CFHR2: variants seen among roughly 807,000 people sequenced by gnomAD.
CFHR2 encodes the protein complement factor H-related protein 2.
A neutral mutation model predicts 21.7 loss-of-function variants in CFHR2; 22 were observed. That is an observed-to-expected ratio of 1.01 (90% CI 0.72 to 1.45). The LOEUF (loss-of-function observed/expected upper bound fraction) is 1.45. Among genes scored for constraint, CFHR2 ranks in the 40% most tolerant of loss-of-function variants. CFHR2 has a pLI of 0.00. For missense variants in CFHR2, 294 were observed against 293.3 expected (o/e 1.00, Z -0.02); for synonymous variants, 98 against 97.4 (o/e 1.01, Z -0.04).
intron 3 of CFHR2, among the ~76,000 whole-genome samples, chr1:196,957,181 C>A (rs1652919717): frequency 6.6e-6 from 1 of 151,994 alleles, no homozygotes; most frequent in Admixed American, 6.6e-5. Flanking sequence ...CTGTCTGAAC[C>A]TCATATCAAT....
intron 1 of CFHR2, among the ~76,000 whole-genome samples, chr1:196,947,627 G>A (rs1659559118): frequency 6.6e-6 from 1 of 152,106 alleles, no homozygotes; most frequent in Non-Finnish European, 1.5e-5. Flanking sequence ...AGATGAAAAA[G>A]AGAAATTTCT....
chr1:196,949,487 G>A lies in CFHR2; in HGVS notation c.91G>A (p.Gly31Arg), dbSNP rs775004070. 4.3e-6 allele frequency: 7 copies of A among 1,613,584 alleles called. No homozygotes were observed. Among genetic ancestry groups the A allele is most frequent in the East Asian group, 2.2e-5 (1 of 44,866 alleles). The part of the protein sequence containing the change: ...MFCDFPKINH[G>R]ILYDEEKYKP... The stretch of plus-strand genomic sequence containing the variant: ...CTGTGATTTTCCAAAAATAAACCAT[G>A]GAATTCTATATGATGAAGAAAAATA... The change falls in exon 2 of 5, where the codon GGA becomes AGA. Residue 31 changes from glycine (G) to arginine (R), a missense_variant. Transcript: ENST00000367415.
intron 3 of CFHR2, among the ~76,000 whole-genome samples, chr1:196,954,699 T>C (rs1472257461): frequency 1.3e-5 from 2 of 152,102 alleles, no homozygotes; most frequent in African/African-American, 4.8e-5. Flanking sequence ...TCAAATCTTG[T>C]CTTCTGTGCA....
At chr1:196,952,060 T>A (rs1659748413) in intron 3 of CFHR2, among the ~76,000 whole-genome samples, 1 of 152,222 alleles carries the variant, frequency 6.6e-6, no homozygotes, top group African/African-American at 2.4e-5. Flanking sequence ...ATCCGTGGTA[T>A]GCCTTTCAAA....
chr1:196,950,048 T>C (rs1558268333), intron 2 of CFHR2, among the ~76,000 whole-genome samples: 1 of 152,216 alleles, frequency 6.6e-6, no homozygotes, highest in Non-Finnish European at 1.5e-5. Flanking sequence ...TTCACTTTTA[T>C]ATTTCAATAA....
At chr1:196,946,282 G>A (rs1393426629) in intron 1 of CFHR2, among the ~76,000 whole-genome samples, 2 of 152,094 alleles carry the variant, frequency 1.3e-5, no homozygotes, top group South Asian at 2.1e-4. Flanking sequence ...AATAGTTTTG[G>A]GGGAGCAGGT....
At chr1:196,947,962 A>T (rs1373713171) in intron 1 of CFHR2, among the ~76,000 whole-genome samples, 2 of 152,188 alleles carry the variant, frequency 1.3e-5, no homozygotes, top group Non-Finnish European at 2.9e-5. Flanking sequence ...TTGCTGTGAA[A>T]AACTTGTTAA....
chr1:196,944,869 A>G (rs1659416536), intron 1 of CFHR2, among the ~76,000 whole-genome samples: 3 of 147,836 alleles, frequency 2.0e-5, no homozygotes, highest in African/African-American at 7.5e-5. Flanking sequence ...TATTATTTCT[A>G]TTGCTTGAAA....
chr1:196,958,781 G>C, intron 4 of CFHR2, 100 bp from the exon 5 acceptor site: 4 of 717,632 alleles, frequency 5.6e-6, no homozygotes, highest in Non-Finnish European at 9.2e-6. Context: ...ATTTTGAGAA[G>C]TAATTCCTCA....
chr1:196,948,545 G>A (rs1228742830), intron 1 of CFHR2, among the ~76,000 whole-genome samples: 4 of 151,834 alleles, frequency 2.6e-5, no homozygotes, highest in Non-Finnish European at 5.9e-5. Context: ...CAAAGTGCTG[G>A]GATTACAGGT....
chr1:196,957,345 C>CT (rs5779854), intron 3 of CFHR2, among the ~76,000 whole-genome samples: 82,759 of 139,964 alleles, frequency 0.59, 24,573 homozygotes, highest in East Asian at 0.85. Flanking sequence ...TGTTCTTTTC[C>CT]TTTTTTTTTT....
intron 3 of CFHR2, 44 bp from the exon 4 acceptor site, chr1:196,957,847 T>C: frequency 6.4e-7 from 1 of 1,570,246 alleles, no homozygotes; most frequent in Non-Finnish European, 8.7e-7. Flanking sequence ...TTTGAACTTG[T>C]ATTTTTATTT....
Position 196,950,929 on chromosome 1 carries a change from C to A in CFHR2, c.331C>A (p.Gln111Lys). ...AACACATCTGGAAGGTGATACTGTA[C>A]AAATTATTTGCAACACAGGATACAG... ...GQTHLEGDTVQIICNTGYRLQ... is the reference protein window; with the variant it reads ...GQTHLEGDTVKIICNTGYRLQ... Residue 111 changes from glutamine (Q) to lysine (K), a missense_variant, in exon 3 of 5, where the codon CAA becomes AAA. Gln to Lys is a moderately conservative substitution (Grantham distance 53, BLOSUM62 1). Transcript: ENST00000367415. 1 of 1,614,018 alleles carries A rather than the reference C, an allele frequency of 6.2e-7. No individual in the cohort carries two copies.
At chr1:196,947,166 A>T (rs1659537504) in intron 1 of CFHR2, among the ~76,000 whole-genome samples, 1 of 151,514 alleles carries the variant, frequency 6.6e-6, no homozygotes, top group African/African-American at 2.4e-5. Context: ...TCCCAGAAGA[A>T]ATATATTCAT....
At chr1:196,949,395 T>G in intron 1 of CFHR2, 60 bp from the exon 2 acceptor site, 1 of 1,468,168 alleles carries the variant, frequency 6.8e-7, no homozygotes, top group Non-Finnish European at 9.3e-7. Flanking sequence ...TAAAATATAG[T>G]CTAGTGATTT....
At chr1:196,958,290 A>C (rs1329191660) in intron 4 of CFHR2, among the ~76,000 whole-genome samples, 1 of 151,996 alleles carries the variant, frequency 6.6e-6, no homozygotes, top group Non-Finnish European at 1.5e-5. Context: ...AAAAGAATAC[A>C]TATTTATTTT....
Position 196,950,945 on chromosome 1 carries a change from C to G in CFHR2, c.347C>G (p.Thr116Arg). 6.2e-7 allele frequency: 1 copy of G among 1,614,076 alleles called. No homozygotes were observed. The highest frequency in any genetic ancestry group is 8.5e-7 in the Non-Finnish European group (1 of 1,179,998). ...GATACTGTACAAATTATTTGCAACACAGGATACAGACTTCAAAACAATGAG... is the reference window on the plus strand; with the variant it reads ...GATACTGTACAAATTATTTGCAACAGAGGATACAGACTTCAAAACAATGAG... Reference protein sequence around the residue: ...EGDTVQIICNTGYRLQNNENN... With the variant: ...EGDTVQIICNRGYRLQNNENN... The change falls in exon 3 of 5, where the codon ACA (threonine) becomes AGA (arginine). Residue 116 changes from threonine (T) to arginine (R), a missense_variant. Transcript: ENST00000367415.
chr1:196,957,126 G>A (rs939775262), intron 3 of CFHR2, among the ~76,000 whole-genome samples: 1 of 151,976 alleles, frequency 6.6e-6, no homozygotes, highest in Non-Finnish European at 1.5e-5. Context: ...TCTTTTCCTG[G>A]GCTTTTGGGT....
intron 2 of CFHR2, 99 bp downstream of exon 2, chr1:196,949,748 A>G (rs1202664173): frequency 6.8e-7 from 1 of 1,470,566 alleles, no homozygotes; most frequent in Middle Eastern, 1.7e-4. Context: ...AGGAGCAGTG[A>G]CCAGAGGAGC....
Sources: gnomAD v4.1 joint callset for allele counts (sites outside exome capture counted in the v4.1 genomes callset) on GRCh38, gnomAD v4.1.1 for gene constraint, MANE v1.5 for transcripts, NCBI Gene and HGNC (gene_info 2026-07-23, HGNC 2026-07-21) for gene names.